Variants in DROSHA observed in about 807,000 individuals in gnomAD.
DROSHA encodes drosha ribonuclease III, also known as ribonuclease 3.
DROSHA carries 56 observed loss-of-function variants against 181.9 expected under a neutral mutation model. That is an observed-to-expected ratio of 0.31 (90% CI 0.25 to 0.38). The LOEUF (loss-of-function observed/expected upper bound fraction) is 0.38. DROSHA is among the 10% of genes least tolerant of loss of function. The pLI, the probability that DROSHA is intolerant of heterozygous loss-of-function variation, is 1.00. For missense variants in DROSHA, 1,218 were observed against 1,743.5 expected, an observed-to-expected ratio of 0.70 and a Z score of 5.37; for synonymous variants, 524 against 591.2, an observed-to-expected ratio of 0.89 and a Z score of 1.65.
intron 20 of DROSHA, among the ~76,000 whole-genome samples, chr5:31,462,589 A>G (rs1337372700): frequency 6.6e-6 from 1 of 151,918 alleles, no homozygotes; most frequent in Non-Finnish European, 1.5e-5. Context: ...TAGCTGAAGA[A>G]TACAAAACTG....
chr5:31,451,462 C>T, intron 21 of DROSHA, 71 bp downstream of exon 21: 11 of 1,274,780 alleles, frequency 8.6e-6, no homozygotes, highest in South Asian at 1.3e-5. Context: ...ACCCAATGTA[C>T]CATTTGTGAC....
chr5:31,528,363 A>G (rs763058787), intron 4 of DROSHA, among the ~76,000 whole-genome samples: 3 of 152,164 alleles, frequency 2.0e-5, no homozygotes, highest in Non-Finnish European at 4.4e-5. Flanking sequence ...GCTAAAAGGA[A>G]TTAATGACCT....
chr5:31,508,360 C>T (rs1227508206), intron 10 of DROSHA, among the ~76,000 whole-genome samples: 1 of 152,186 alleles, frequency 6.6e-6, no homozygotes, highest in Non-Finnish European at 1.5e-5. Flanking sequence ...CTTCCATCTA[C>T]TGCAATTTAA....
chr5:31,495,276 A>G lies in DROSHA; in HGVS notation c.1755+10T>C. On this transcript the variant is annotated intron_variant, in intron 12 of 35. Coordinates refer to ENST00000344624, the MANE Select transcript of DROSHA (RefSeq NM_001382508.1). ...TTAAATGATATGCATGTGATTCTTTAGAAACTTACTAAAAAGTTCGTAGGC... is the reference window on the plus strand; with the variant it reads ...TTAAATGATATGCATGTGATTCTTTGGAAACTTACTAAAAAGTTCGTAGGC... 1.2e-6 allele frequency: 2 copies of G among 1,612,620 alleles called. No homozygotes were observed. The highest frequency in any genetic ancestry group is 1.7e-6 in the Non-Finnish European group (2 of 1,179,064).
intron 5 of DROSHA, among the ~76,000 whole-genome samples, chr5:31,525,852 G>T (rs1217921913): frequency 6.6e-6 from 1 of 150,940 alleles, no homozygotes; most frequent in African/African-American, 2.4e-5. Context: ...TCACTGAAAT[G>T]AATCTACACT....
chr5:31,494,096 G>A (rs1427047365), intron 12 of DROSHA, among the ~76,000 whole-genome samples: 2 of 151,932 alleles, frequency 1.3e-5, no homozygotes, highest in Non-Finnish European at 2.9e-5. Context: ...AGCCTCCTAA[G>A]TAGCTGGGAT....
intron 21 of DROSHA, among the ~76,000 whole-genome samples, chr5:31,450,337 C>A (rs1049781739): frequency 6.6e-6 from 1 of 152,010 alleles, no homozygotes; most frequent in Non-Finnish European, 1.5e-5. Flanking sequence ...GTGTATCTAC[C>A]CAAAGAAAAA....
intron 30 of DROSHA, among the ~76,000 whole-genome samples, chr5:31,418,409 C>T (rs1353262552): frequency 6.6e-6 from 1 of 152,136 alleles, no homozygotes; most frequent in Non-Finnish European, 1.5e-5. Context: ...ACTGGGGCTA[C>T]AAATGCATGC....
chr5:31,431,495 G>C, intron 26 of DROSHA, 81 bp downstream of exon 26: 1 of 1,414,398 alleles, frequency 7.1e-7, no homozygotes, highest in Non-Finnish European at 9.8e-7. Flanking sequence ...TCTGTCCCAA[G>C]TTTCCACACT....
intron 8 of DROSHA, among the ~76,000 whole-genome samples, chr5:31,513,344 G>T (rs1738909229): frequency 6.6e-6 from 1 of 152,148 alleles, no homozygotes; most frequent in African/African-American, 2.4e-5. Flanking sequence ...CTCCCTCCAG[G>T]TACCTTATTA....
intron 23 of DROSHA, among the ~76,000 whole-genome samples, chr5:31,439,533 T>C (rs1346849484): frequency 6.6e-6 from 1 of 152,208 alleles, no homozygotes; most frequent in Non-Finnish European, 1.5e-5. Context: ...ATAGGTAAGC[T>C]GCATATCATG....
At chr5:31,473,652 C>A (rs1750012500) in intron 16 of DROSHA, among the ~76,000 whole-genome samples, 1 of 152,108 alleles carries the variant, frequency 6.6e-6, no homozygotes, top group South Asian at 2.1e-4. Flanking sequence ...AAGAATCAAA[C>A]AGGACAAGGA....
Position 31,461,594 on chromosome 5 carries a change from C to G in DROSHA, c.2574+2642G>C, listed in dbSNP as rs559781751. Among the ~76,000 whole-genome samples the G allele has an allele frequency of 8.5e-5, 13 of 152,206 alleles. No homozygotes were observed. The South Asian group carries it at 1.9e-3, about 22-fold the overall frequency. On this transcript the variant is annotated intron_variant, in intron 20 of 35. Coordinates refer to ENST00000344624, the MANE Select transcript of DROSHA (RefSeq NM_001382508.1). ...ATTCCCACATTCATAAAAACAGTTA[C>G]CACTTCAAACAGTTACCAGTTCCAG... is the stretch of plus-strand genomic sequence containing the variant.
At position 31,526,387 on chromosome 5, in the gene DROSHA, A is replaced by T. The variant is rs752103305; in HGVS notation, c.546T>A (p.Phe182Leu). The T allele has an allele frequency of 1.9e-6, 3 of 1,613,534 alleles. No individual in the cohort carries two copies. Among genetic ancestry groups the T allele is most frequent in the Non-Finnish European group, 2.5e-6 (3 of 1,179,776 alleles). The change falls in exon 5 of 36, where the codon TTT becomes TTA. Residue 182 changes from phenylalanine (F) to leucine (L), a missense_variant. By Grantham distance (22) the Phe-to-Leu change is conservative (BLOSUM62 0). This residue lies in a region of DROSHA where 536 missense variants were observed against 535.4 expected (regional missense o/e 1.00). Coordinates refer to ENST00000344624, the MANE Select transcript of DROSHA (RefSeq NM_001382508.1). ...AACTAGGGTTGTTCTGGAAACTATT[A>T]AAACTGGGAGGTGGGAAGTTGTGGT... Reference protein sequence around the residue: ...YSHHNFPPPSFNSFQNNPSSF... With the variant: ...YSHHNFPPPSLNSFQNNPSSF...
intron 35 of DROSHA, among the ~76,000 whole-genome samples, chr5:31,402,470 TTTAA>T (rs1740129253): frequency 6.6e-6 from 1 of 152,068 alleles, no homozygotes. Flanking sequence ...TTCAATTTTA[TTTAA>T]TTATTGTTAA....
chr5:31,459,147 T>C (rs1358339551), intron 20 of DROSHA, among the ~76,000 whole-genome samples: 1 of 152,222 alleles, frequency 6.6e-6, no homozygotes, highest in Admixed American at 6.5e-5. Flanking sequence ...ATTACAGAAA[T>C]GCTTCTGAAA....
At chr5:31,504,333 T>C (rs556915645) in intron 11 of DROSHA, among the ~76,000 whole-genome samples, 1 of 152,320 alleles carries the variant, frequency 6.6e-6, no homozygotes, top group East Asian at 1.9e-4. Context: ...CTATTTTAAA[T>C]AATAAAACGA....
Position 31,431,366 on chromosome 5 carries a change from C to CAAAAAAA in DROSHA, c.3145+203_3145+209dup, listed in dbSNP as rs58316191. On this transcript the variant is annotated intron_variant, in intron 26 of 35. Coordinates refer to ENST00000344624, the MANE Select transcript of DROSHA (RefSeq NM_001382508.1). ...AGACACCAATTCAGGCAGTAGAATG[C>CAAAAAAA]AAAAAAAAAAAAAAAAAAAAAAAGA... 8.5e-4 allele frequency among the ~76,000 whole-genome samples: 49 copies of CAAAAAAA among 57,662 alleles called. 1 individual carries two copies. Among genetic ancestry groups the CAAAAAAA allele is most frequent in the African/African-American group, 2.6e-3 (39 of 14,850 alleles). 37.8% of individuals were successfully genotyped at this position (57,662 alleles called of 152,430 possible).
At chr5:31,488,617 A>G (rs946792203) in intron 13 of DROSHA, among the ~76,000 whole-genome samples, 1 of 152,134 alleles carries the variant, frequency 6.6e-6, no homozygotes. Context: ...TCTATTATGT[A>G]GCCCTTACAA....
Sources: allele counts gnomAD v4.1 joint callset (sites outside exome capture counted in the v4.1 genomes callset), GRCh38; gene constraint gnomAD v4.1.1; regional missense constraint gnomAD v4.1.1; transcripts MANE v1.5; gene names NCBI Gene and HGNC (gene_info 2026-07-23, HGNC 2026-07-21).